Variants in MCF2L2 observed in about 807,000 individuals in gnomAD.
The protein encoded by MCF2L2 is MCF.2 cell line derived transforming sequence-like 2, also known as probable guanine nucleotide exchange factor MCF2L2.
In MCF2L2, 102 loss-of-function variants were observed where a neutral mutation model predicts 150.2. The ratio of observed to expected loss-of-function variants is 0.68; its 90% CI spans 0.58 to 0.80. MCF2L2 has a LOEUF of 0.80. Among genes scored for constraint, MCF2L2 ranks in the 30% least tolerant of loss-of-function variants. The pLI, the probability that MCF2L2 is intolerant of heterozygous loss-of-function variation, is 0.00. For synonymous variants in MCF2L2, 465 were observed against 491.3 expected (o/e 0.95, Z 0.71); for missense variants, 1,256 against 1,372.8 (o/e 0.91, Z 1.34).
At chr3:183,406,000 GCCA>G (rs747420594) in intron 1 of MCF2L2, among the ~76,000 whole-genome samples, 12 of 152,196 alleles carry the variant, frequency 7.9e-5, no homozygotes, top group Non-Finnish European at 1.6e-4. Flanking sequence ...ACAGGCGTGA[GCCA>G]CCACCACACC....
At chr3:183,228,028 T>TAC (rs58313216) in intron 18 of MCF2L2, 2,663 of 236,408 alleles carry the variant, frequency 0.011, 58 homozygotes, top group African/African-American at 0.055. Flanking sequence ...TATATACATA[T>TAC]ACACACACAC....
At chr3:183,382,435 T>G (rs1359873826) in intron 2 of MCF2L2, among the ~76,000 whole-genome samples, 1 of 152,208 alleles carries the variant, frequency 6.6e-6, no homozygotes. Context: ...TTCTTCTACC[T>G]TGGTTACTAC....
intron 5 of MCF2L2, among the ~76,000 whole-genome samples, chr3:183,332,193 T>C (rs748131847): frequency 3.3e-5 from 5 of 152,210 alleles, no homozygotes; most frequent in Non-Finnish European, 7.3e-5. Flanking sequence ...TTAGATTTCA[T>C]TAAGCTTGAT....
At chr3:183,337,213 A>C (rs548904733) in intron 5 of MCF2L2, among the ~76,000 whole-genome samples, 17 of 152,160 alleles carry the variant, frequency 1.1e-4, no homozygotes. Flanking sequence ...TCTTTTTGTG[A>C]ATTTGTGTTT....
chr3:183,403,490 G>A (rs1224041913), intron 1 of MCF2L2, among the ~76,000 whole-genome samples: 1 of 152,204 alleles, frequency 6.6e-6, no homozygotes, highest in Non-Finnish European at 1.5e-5. Context: ...TTGGAAAGTA[G>A]AAGAGGCAAA....
At chr3:183,213,327 G>A (rs1722804642) in intron 22 of MCF2L2, among the ~76,000 whole-genome samples, 1 of 149,938 alleles carries the variant, frequency 6.7e-6, no homozygotes, top group African/African-American at 2.5e-5. Flanking sequence ...AAACAAACTT[G>A]TTTGGAAAAG....
chr3:183,250,023 T>C (rs1385106943), intron 15 of MCF2L2, among the ~76,000 whole-genome samples: 1 of 151,982 alleles, frequency 6.6e-6, no homozygotes, highest in Non-Finnish European at 1.5e-5. Context: ...ACATACAACT[T>C]TTTTCCCCTC....
chr3:183,186,556 G>T (rs543295384), intron 27 of MCF2L2, among the ~76,000 whole-genome samples: 1 of 152,104 alleles, frequency 6.6e-6, no homozygotes, highest in Non-Finnish European at 1.5e-5. Flanking sequence ...TGAAACTGCC[G>T]TCTCTACTAA....
At chr3:183,362,088 A>T (rs1213684229) in intron 3 of MCF2L2, among the ~76,000 whole-genome samples, 1 of 151,522 alleles carries the variant, frequency 6.6e-6, no homozygotes, top group Non-Finnish European at 1.5e-5. Context: ...AAAACATCTG[A>T]AATACTTCTT....
intron 6 of MCF2L2, 152 bp from the exon 7 acceptor site, chr3:183,318,369 TAA>T: frequency 1.2e-6 from 1 of 869,368 alleles, no homozygotes; most frequent in Non-Finnish European, 1.8e-6. Context: ...ATAGGGAGAT[TAA>T]AAAGAGGCTG....
rs775825543 is a variant in MCF2L2, at chr3:183,195,183, C to T, written c.2918+39G>A. The stretch of plus-strand genomic sequence containing the variant: ...TGGACTCAATATGAAACATCCAAAG[C>T]ATTTGACATGCCTTTAAAATAAAAA... On this transcript the variant is annotated intron_variant, in intron 26 of 29. Coordinates refer to ENST00000328913, the MANE Select transcript of MCF2L2 (RefSeq NM_015078.4). The T allele has an allele frequency of 8.6e-6, 13 of 1,519,884 alleles. 2 individuals carry two copies. The South Asian group carries it at 1.3e-4, about 15-fold the overall frequency. The allele number at this position is 1,519,884 out of a possible 1,614,324, so 94.1% of individuals were successfully genotyped here. A position where few individuals can be genotyped will look rare whatever the true frequency, so the allele number is the denominator to read the frequency against.
chr3:183,231,290 G>A (rs1215809855), intron 15 of MCF2L2: 5 of 568,260 alleles, frequency 8.8e-6, no homozygotes, highest in South Asian at 6.1e-5. Context: ...TCCTCTGGGT[G>A]GGCCATATAG....
At chr3:183,353,291 G>C (rs1711581377) in intron 3 of MCF2L2, among the ~76,000 whole-genome samples, 1 of 152,156 alleles carries the variant, frequency 6.6e-6, no homozygotes, top group Non-Finnish European at 1.5e-5. Flanking sequence ...CCGCTTTACA[G>C]AAGGAAGAAA....
chr3:183,425,605 C>T (rs185031390), intron 1 of MCF2L2, among the ~76,000 whole-genome samples: 2 of 152,256 alleles, frequency 1.3e-5, no homozygotes, highest in Admixed American at 1.3e-4. Flanking sequence ...GCCCGCTCCA[C>T]CTTGAGGTCC....
rs150159066 is a variant in MCF2L2, at chr3:183,190,191, A to G, written c.3016+2808T>C. Among the ~76,000 whole-genome samples, 466 of 152,306 alleles carry G rather than the reference A, an allele frequency of 3.1e-3. 1 individual carries two copies. The highest frequency in any genetic ancestry group is 9.7e-3 in the African/African-American group (405 of 41,560). On this transcript the variant is annotated intron_variant, in intron 27 of 29. Transcript: ENST00000328913. ...CTCAAAGCTCTCAAATGCTAGAGAC[A>G]TTGCACCAGCTGGTGTGTCCCCATC...
intron 15 of MCF2L2, chr3:183,272,513 G>T: frequency 1.6e-5 from 16 of 995,350 alleles, no homozygotes; most frequent in Non-Finnish European, 1.9e-5. Flanking sequence ...AATGTTTACA[G>T]AAATTTTAAT....
At chr3:183,409,296 T>C (rs1715199856) in intron 1 of MCF2L2, among the ~76,000 whole-genome samples, 1 of 152,182 alleles carries the variant, frequency 6.6e-6, no homozygotes, top group South Asian at 2.1e-4. Context: ...TTTACTGGTT[T>C]ATATATCACT....
intron 7 of MCF2L2, among the ~76,000 whole-genome samples, chr3:183,315,981 T>G (rs2108513809): frequency 6.6e-6 from 1 of 152,362 alleles, no homozygotes; most frequent in Admixed American, 6.5e-5. Context: ...GAACGCACCG[T>G]GCTCATGAGC....
At chr3:183,226,971 G>C (rs948150867) in intron 18 of MCF2L2, 4 of 152,196 alleles carry the variant, frequency 2.6e-5, no homozygotes, top group Non-Finnish European at 4.4e-5. Context: ...AAGGCTCTGA[G>C]CATGGAAGAT....
Sources: allele counts gnomAD v4.1 joint callset (sites outside exome capture counted in the v4.1 genomes callset), GRCh38; gene constraint gnomAD v4.1.1; transcripts MANE v1.5; gene names NCBI Gene and HGNC (gene_info 2026-07-23, HGNC 2026-07-21).